COL24A1: variants seen among roughly 807,000 people sequenced by gnomAD.
COL24A1 encodes collagen alpha-1(XXIV) chain.
A neutral mutation model predicts 253.9 loss-of-function variants in COL24A1; 224 were observed. That is an observed-to-expected ratio of 0.88 (90% CI 0.79 to 0.99). The LOEUF (loss-of-function observed/expected upper bound fraction) is 0.99, where lower values mean the gene tolerates loss of function less well. COL24A1 is among the 50% of genes least tolerant of loss of function. COL24A1 has a pLI of 0.00. For missense variants in COL24A1, 2,131 were observed against 2,068.5 expected, an observed-to-expected ratio of 1.03 and a Z score of -0.59; for synonymous variants, 685 against 673.7, an observed-to-expected ratio of 1.02 and a Z score of -0.26.
intron 18 of COL24A1, 128 bp downstream of exon 18, chr1:86,022,112 C>T (rs1453322662): frequency 9.8e-6 from 8 of 820,384 alleles, no homozygotes; most frequent in Non-Finnish European, 1.6e-5. Flanking sequence ...GAGGGATTTG[C>T]TATATTCTAA....
chr1:85,971,244 G>T, intron 21 of COL24A1, 96 bp downstream of exon 21: 1 of 879,308 alleles, frequency 1.1e-6, no homozygotes, highest in South Asian at 1.5e-5. Context: ...AAATCTGATG[G>T]TGTTTAAGCA....
At chr1:86,122,213 C>T (rs547403075) in intron 3 of COL24A1, among the ~76,000 whole-genome samples, 5 of 152,034 alleles carry the variant, frequency 3.3e-5, no homozygotes, top group Admixed American at 2.0e-4. Context: ...TTCTCTGTCT[C>T]TTTTGGCCCT....
At chr1:85,948,216 A>G (rs1472236394) in intron 24 of COL24A1, among the ~76,000 whole-genome samples, 2 of 152,148 alleles carry the variant, frequency 1.3e-5, no homozygotes, top group Admixed American at 6.5e-5. Flanking sequence ...TTTACCATGA[A>G]CTTTTTGGTA....
At chr1:86,137,002 G>T (rs1442088906) in intron 2 of COL24A1, among the ~76,000 whole-genome samples, 1 of 148,384 alleles carries the variant, frequency 6.7e-6, no homozygotes, top group African/African-American at 2.5e-5. Flanking sequence ...CAAAAAAAAT[G>T]GGGGTGGGCA....
At chr1:85,961,457 C>T (rs1189780276) in intron 23 of COL24A1, among the ~76,000 whole-genome samples, 164 bp from the exon 24 acceptor site, 1 of 152,044 alleles carries the variant, frequency 6.6e-6, no homozygotes, top group Non-Finnish European at 1.5e-5. Context: ...AGCAAACCAC[C>T]ATGGCACATG....
chr1:85,737,526 A>G (rs372962599), intron 57 of COL24A1, 21 bp from the exon 58 acceptor site: 19 of 1,501,972 alleles, frequency 1.3e-5, no homozygotes, highest in Non-Finnish European at 1.6e-5. Context: ...ATAGTAAAAC[A>G]TAAAGTTAAA....
chr1:85,813,532 C>CTTTTTTTTTT (rs765607746), intron 47 of COL24A1, among the ~76,000 whole-genome samples: 2 of 76,244 alleles, frequency 2.6e-5, no homozygotes, highest in South Asian at 4.9e-4. Context: ...TCATTCAGGT[C>CTTTTTTTTTT]TTTTTTTTTT....
intron 52 of COL24A1, 37 bp from the exon 53 acceptor site, chr1:85,775,746 T>G (rs1229713311): frequency 1.9e-6 from 3 of 1,551,098 alleles, no homozygotes; most frequent in Non-Finnish European, 2.6e-6. Context: ...TCATTGTTAT[T>G]GATAGTTACG....
At chr1:85,882,271 A>G (rs1255888753) in intron 32 of COL24A1, among the ~76,000 whole-genome samples, 5 of 151,834 alleles carry the variant, frequency 3.3e-5, no homozygotes, top group Admixed American at 3.3e-4. Flanking sequence ...AGGTCAGGAG[A>G]TCGAGACCAC....
intron 1 of COL24A1, among the ~76,000 whole-genome samples, chr1:86,147,131 T>C (rs1174048196): frequency 6.6e-6 from 1 of 152,196 alleles, no homozygotes; most frequent in African/African-American, 2.4e-5. Flanking sequence ...CTATAAACCA[T>C]TAATTCCCTT....
chr1:85,916,482 G>C (rs891145319), intron 24 of COL24A1, among the ~76,000 whole-genome samples: 10 of 152,202 alleles, frequency 6.6e-5, no homozygotes, highest in African/African-American at 2.4e-4. Flanking sequence ...TTGCAGCCTA[G>C]GCAACATAGG....
intron 52 of COL24A1, among the ~76,000 whole-genome samples, chr1:85,780,755 T>C (rs1362203070): frequency 6.6e-6 from 1 of 152,216 alleles, no homozygotes; most frequent in East Asian, 1.9e-4. Flanking sequence ...ACCTGTACTG[T>C]ATCTTCTACT....
At chr1:85,954,856 T>C (rs2100613298) in intron 24 of COL24A1, among the ~76,000 whole-genome samples, 1 of 152,174 alleles carries the variant, frequency 6.6e-6, no homozygotes, top group East Asian at 1.9e-4. Context: ...TAGCTAGGCA[T>C]AGTTGTAGAG....
At chr1:85,905,586 T>G (rs1049056771) in intron 28 of COL24A1, among the ~76,000 whole-genome samples, 1 of 152,050 alleles carries the variant, frequency 6.6e-6, no homozygotes, top group Non-Finnish European at 1.5e-5. Flanking sequence ...GTCTGGATAC[T>G]GGGTAAAAAT....
chr1:86,068,259 G>C (rs1157594148), intron 7 of COL24A1, among the ~76,000 whole-genome samples: 1 of 152,152 alleles, frequency 6.6e-6, no homozygotes, highest in Non-Finnish European at 1.5e-5. Flanking sequence ...CACTGAGGAG[G>C]ACAAGAGATA....
chr1:85,741,205 T>C (rs1220779388), intron 57 of COL24A1, among the ~76,000 whole-genome samples: 3 of 152,092 alleles, frequency 2.0e-5, no homozygotes, highest in African/African-American at 7.2e-5. Context: ...AAATTCTACT[T>C]CTTTTCTCTC....
chr1:85,851,186 T>A (rs926734590), intron 37 of COL24A1, among the ~76,000 whole-genome samples: 1 of 152,074 alleles, frequency 6.6e-6, no homozygotes. Context: ...ATATGTATTT[T>A]GTATCTTTAA....
At chr1:85,825,938 A>C (rs1674263163) in intron 43 of COL24A1, among the ~76,000 whole-genome samples, 1 of 82,928 alleles carries the variant, frequency 1.2e-5, no homozygotes, top group African/African-American at 4.0e-5. Context: ...ATTAGATCCC[A>C]TTTGTCAATT....
chr1:85,833,773 A>C (rs11161685), intron 43 of COL24A1, among the ~76,000 whole-genome samples: 52,870 of 151,932 alleles, frequency 0.35, 10,076 homozygotes, highest in Non-Finnish European at 0.43. Flanking sequence ...ACAATATGGA[A>C]TACTATGCAG....
Sources: gnomAD v4.1 joint callset for allele counts (sites outside exome capture counted in the v4.1 genomes callset) on GRCh38, gnomAD v4.1.1 for gene constraint, MANE v1.5 for transcripts, NCBI Gene and HGNC (gene_info 2026-07-23, HGNC 2026-07-21) for gene names.